Variants in EIPR1 observed in about 807,000 individuals in gnomAD.
EIPR1 encodes the protein EARP complex and GARP complex interacting protein 1.
A neutral mutation model predicts 48.1 loss-of-function variants in EIPR1; 25 were observed. The observed-to-expected ratio is 0.52, with a 90% CI of 0.38 to 0.73. The LOEUF is 0.73. Ranked by LOEUF, EIPR1 falls within the 30% of genes least tolerant of loss-of-function variation. The pLI is 0.00. For missense variants in EIPR1, 415 were observed against 506.2 expected (o/e 0.82, Z 1.73); for synonymous variants, 204 against 201.9 (o/e 1.01, Z -0.09).
intron 3 of EIPR1, chr2:3,301,436 G>T (rs1286002053): frequency 6.6e-6 from 1 of 151,596 alleles, no homozygotes; most frequent in East Asian, 1.9e-4. Flanking sequence ...GCTCCAAGGA[G>T]AACTGGCCTT....
intron 1 of EIPR1, among the ~76,000 whole-genome samples, chr2:3,365,986 G>T (rs935031654): frequency 2.3e-5 from 1 of 43,044 alleles, no homozygotes; most frequent in African/African-American, 5.2e-5. Context: ...CCCCCGCCCG[G>T]CCAGCCACCC....
chr2:3,272,175 TA>T (rs1364470156), intron 3 of EIPR1, among the ~76,000 whole-genome samples: 1 of 152,246 alleles, frequency 6.6e-6, no homozygotes, highest in Non-Finnish European at 1.5e-5. Context: ...GGCTTTGGCT[TA>T]AAAGAATGTT....
intron 6 of EIPR1, chr2:3,194,435 C>T (rs946184507): frequency 3.5e-5 from 10 of 285,440 alleles, no homozygotes; most frequent in Admixed American, 1.4e-4. Context: ...GCTTTGTAGC[C>T]GTCAAAAATG....
chr2:3,297,570 A>C (rs1668640690), intron 3 of EIPR1, among the ~76,000 whole-genome samples: 1 of 152,250 alleles, frequency 6.6e-6, no homozygotes, highest in South Asian at 2.1e-4. Context: ...TCTCCCTTGC[A>C]TTCTAGTCCA....
intron 4 of EIPR1, among the ~76,000 whole-genome samples, chr2:3,234,753 C>T (rs1239141618): frequency 2.0e-5 from 3 of 152,238 alleles, no homozygotes; most frequent in Non-Finnish European, 4.4e-5. Context: ...AGTCTCTCTC[C>T]AAGCCCTGCC....
At chr2:3,266,199 A>G (rs1667480869) in intron 3 of EIPR1, among the ~76,000 whole-genome samples, 2 of 152,210 alleles carry the variant, frequency 1.3e-5, no homozygotes, top group Admixed American at 1.3e-4. Context: ...AGGGCGAACA[A>G]TGCCCTGCCT....
At chr2:3,197,132 G>GGCTCACGCCTGT in intron 5 of EIPR1, 115 bp from the exon 6 acceptor site, 1 of 1,188,920 alleles carries the variant, frequency 8.4e-7, no homozygotes, top group Non-Finnish European at 1.2e-6. Context: ...AATAATTACT[G>GGCTCACGCCTGT]AGGATAATTA....
At chr2:3,362,783 G>A (rs1049555257) in intron 1 of EIPR1, among the ~76,000 whole-genome samples, 3 of 152,164 alleles carry the variant, frequency 2.0e-5, no homozygotes, top group Non-Finnish European at 4.4e-5. Context: ...GAAGGAGCAG[G>A]TGCTGGAGGC....
At chr2:3,242,301 ACACACCT>A in intron 4 of EIPR1, among the ~76,000 whole-genome samples, 3 of 15,214 alleles carry the variant, frequency 2.0e-4, no homozygotes, top group South Asian at 2.2e-3. Flanking sequence ...ACTCCACACC[ACACACCT>A]GGCAGCAGCC....
intron 4 of EIPR1, among the ~76,000 whole-genome samples, chr2:3,251,601 C>G (rs1667002289): frequency 6.6e-6 from 1 of 152,142 alleles, no homozygotes; most frequent in Non-Finnish European, 1.5e-5. Flanking sequence ...GCCTTGAAGT[C>G]CACCATCTCT....
chr2:3,247,874 A>G (rs1666880601), intron 4 of EIPR1, among the ~76,000 whole-genome samples: 2 of 152,192 alleles, frequency 1.3e-5, no homozygotes, highest in South Asian at 4.1e-4. Flanking sequence ...TATTCATCTC[A>G]TTTAGCCTCA....
intron 3 of EIPR1, among the ~76,000 whole-genome samples, chr2:3,333,770 T>C (rs944353957): frequency 3.0e-5 from 4 of 133,372 alleles, no homozygotes; most frequent in Non-Finnish European, 6.5e-5. Context: ...AAAAAAAAAA[T>C]CATGAAAAAG....
intron 3 of EIPR1, among the ~76,000 whole-genome samples, chr2:3,263,139 C>T (rs562634178): frequency 6.6e-6 from 1 of 152,196 alleles, no homozygotes; most frequent in African/African-American, 2.4e-5. Flanking sequence ...CAGACGGCTA[C>T]GCTCAGGAGA....
rs535662718 is a variant in EIPR1, at chr2:3,239,163, G to A, written c.416+18136C>T. On this transcript the variant is annotated intron_variant, in intron 4 of 8. Coordinates refer to ENST00000382125, the MANE Select transcript of EIPR1 (RefSeq NM_003310.5). The stretch of plus-strand genomic sequence containing the variant: ...GGGAGAGTCTGAGAGTGGATCGACA[G>A]GGACAAGGAGGCGCCAAGGGTCTGG... Among the ~76,000 whole-genome samples the A allele has an allele frequency of 2.0e-4, 31 of 152,360 alleles. No homozygotes were observed. The East Asian group carries it at 5.8e-3, about 28-fold the overall frequency.
At chr2:3,263,921 G>A (rs1667411238) in intron 3 of EIPR1, among the ~76,000 whole-genome samples, 1 of 152,208 alleles carries the variant, frequency 6.6e-6, no homozygotes, top group South Asian at 2.1e-4. Context: ...GCTAAGTCAA[G>A]CCAATTCATA....
intron 2 of EIPR1, 69 bp from the exon 3 acceptor site, chr2:3,338,218 G>A: frequency 1.9e-6 from 3 of 1,558,030 alleles, no homozygotes; most frequent in South Asian, 2.4e-5. Context: ...CAGACATCAT[G>A]ATTACAAAGA....
intron 3 of EIPR1, among the ~76,000 whole-genome samples, chr2:3,277,350 T>C (rs1163086656): frequency 6.6e-6 from 1 of 152,122 alleles, no homozygotes; most frequent in Non-Finnish European, 1.5e-5. Flanking sequence ...CTGGAAACGG[T>C]AGAGGACATT....
intron 3 of EIPR1, among the ~76,000 whole-genome samples, chr2:3,260,913 C>T (rs759994965): frequency 4.6e-5 from 7 of 152,120 alleles, no homozygotes; most frequent in African/African-American, 7.2e-5. Flanking sequence ...GGATCTCTCA[C>T]GGATTGTGAA....
At chr2:3,324,491 G>A (rs554167449) in intron 3 of EIPR1, among the ~76,000 whole-genome samples, 4 of 152,316 alleles carry the variant, frequency 2.6e-5, no homozygotes, top group African/African-American at 7.2e-5. Context: ...GGCCACATAC[G>A]GGCCCTGCAG....
Sources: allele counts gnomAD v4.1 joint callset (sites outside exome capture counted in the v4.1 genomes callset), GRCh38; gene constraint gnomAD v4.1.1; transcripts MANE v1.5; gene names NCBI Gene and HGNC (gene_info 2026-07-23, HGNC 2026-07-21).